Variants in DTNA observed in about 807,000 individuals in gnomAD.
DTNA encodes dystrobrevin alpha.
A neutral mutation model predicts 100.7 loss-of-function variants in DTNA; 43 were observed. The observed-to-expected ratio is 0.43, with a 90% CI of 0.33 to 0.55. The LOEUF is 0.55. Ranked by LOEUF, DTNA falls within the 20% of genes least tolerant of loss-of-function variation. DTNA has a pLI of 0.04. For missense variants in DTNA, 798 were observed against 953.9 expected, an observed-to-expected ratio of 0.84 and a Z score of 2.15; for synonymous variants, 349 against 347.9, an observed-to-expected ratio of 1.00 and a Z score of -0.04.
intron 16 of DTNA, among the ~76,000 whole-genome samples, chr18:34,860,014 G>T (rs576750357): frequency 6.6e-6 from 1 of 151,242 alleles, no homozygotes; most frequent in Admixed American, 6.6e-5. Context: ...CCTGTAGTTG[G>T]GAAGTATTAC....
intron 1 of DTNA, among the ~76,000 whole-genome samples, chr18:34,557,483 C>T (rs2146123450): frequency 6.6e-6 from 1 of 152,050 alleles, no homozygotes; most frequent in East Asian, 1.9e-4. Flanking sequence ...TCTGTTTTTT[C>T]CCCATCTTTG....
intron 1 of DTNA, among the ~76,000 whole-genome samples, chr18:34,497,516 A>T (rs1320547956): frequency 2.6e-5 from 4 of 152,194 alleles, no homozygotes; most frequent in African/African-American, 7.2e-5. Context: ...GAGTAACCTT[A>T]ACCACTGTCA....
At position 34,500,181 on chromosome 18, in the gene DTNA, A is replaced by G. The variant is rs962957622; in HGVS notation, c.-2+6667A>G. On this transcript the variant is annotated intron_variant, in intron 1 of 19. Coordinates refer to the DTNA transcript ENST00000283365. ...AGGATAATTGATATTTAATCCATAC[A>G]TGTGGCATGTTTCTCCATTTATGTA... 2.6e-5 allele frequency among the ~76,000 whole-genome samples: 4 copies of G among 152,232 alleles called. No individual in the cohort carries two copies. In the East Asian group the frequency reaches 7.7e-4, roughly 29 times the overall value.
intron 17 of DTNA, chr18:34,866,844 C>T (rs911177679): frequency 3.5e-5 from 36 of 1,023,420 alleles, no homozygotes; most frequent in African/African-American, 3.4e-5. Flanking sequence ...CAGAGCCTTT[C>T]GGCTCCGGGA....
chr18:34,871,809 T>G (rs2096768450), intron 17 of DTNA, among the ~76,000 whole-genome samples: 1 of 152,166 alleles, frequency 6.6e-6, no homozygotes, highest in South Asian at 2.1e-4. Context: ...TGTCCTGACA[T>G]GGAGAGGTGG....
At chr18:34,726,907 A>C (rs1207301199) in intron 1 of DTNA, among the ~76,000 whole-genome samples, 1 of 152,214 alleles carries the variant, frequency 6.6e-6, no homozygotes, top group East Asian at 1.9e-4. Flanking sequence ...GCACTGCCCT[A>C]GGAAAGTATC....
chr18:34,752,155 C>T (rs1291057983), intron 1 of DTNA, among the ~76,000 whole-genome samples: 1 of 152,196 alleles, frequency 6.6e-6, no homozygotes, highest in Non-Finnish European at 1.5e-5. Context: ...TTGGGCTCAT[C>T]GGTGAGCCAT....
At chr18:34,757,237 C>A (rs1291279109) in intron 2 of DTNA, 3 of 152,310 alleles carry the variant, frequency 2.0e-5, no homozygotes, top group African/African-American at 7.2e-5. Flanking sequence ...TGTGTCTTCA[C>A]CTGGAATTGT....
chr18:34,628,481 T>A (rs2057643013), intron 1 of DTNA, among the ~76,000 whole-genome samples: 1 of 152,222 alleles, frequency 6.6e-6, no homozygotes, highest in Non-Finnish European at 1.5e-5. Flanking sequence ...GAAAGACTCA[T>A]ATCCCTTGGC....
rs182294931 is a variant in DTNA at position 34,526,025 on chromosome 18, C to T, written c.-2+32511C>T. 9.2e-5 allele frequency among the ~76,000 whole-genome samples: 14 copies of T among 152,220 alleles called. 1 individual carries two copies. The East Asian group carries it at 2.1e-3, about 23-fold the overall frequency. On this transcript the variant is annotated intron_variant, in intron 1 of 19. Transcript: ENST00000283365. Reference sequence around the variant, plus strand: ...TACATCCCTGAACTCACCACTCTTTCGGAACACGAAGCTATGGTCTTTAGC... The same window carrying T: ...TACATCCCTGAACTCACCACTCTTTTGGAACACGAAGCTATGGTCTTTAGC...
At chr18:34,625,475 G>C (rs998855018) in intron 1 of DTNA, among the ~76,000 whole-genome samples, 1 of 152,096 alleles carries the variant, frequency 6.6e-6, no homozygotes, top group African/African-American at 2.4e-5. Context: ...GCCCGGCCAG[G>C]GACACCTTTT....
At chr18:34,841,673 T>C (rs2096270990) in intron 13 of DTNA, among the ~76,000 whole-genome samples, 1 of 152,210 alleles carries the variant, frequency 6.6e-6, no homozygotes, top group African/African-American at 2.4e-5. Flanking sequence ...ATATGAGCTT[T>C]GAGACATTAA....
At chr18:34,794,373 C>T (rs1442295871) in intron 4 of DTNA, 123 bp downstream of exon 4, 4 of 1,084,044 alleles carry the variant, frequency 3.7e-6, no homozygotes, top group Admixed American at 4.2e-5. Context: ...TTTTTTCTTA[C>T]AGTGGATGCT....
intron 1 of DTNA, among the ~76,000 whole-genome samples, chr18:34,659,588 T>C (rs1021552065): frequency 6.6e-6 from 1 of 151,790 alleles, no homozygotes; most frequent in Non-Finnish European, 1.5e-5. Flanking sequence ...CCATATATAT[T>C]TCATTCTAGA....
At chr18:34,865,235 T>G (rs920836014) in intron 17 of DTNA, among the ~76,000 whole-genome samples, 4 of 152,200 alleles carry the variant, frequency 2.6e-5, no homozygotes, top group African/African-American at 9.6e-5. Context: ...TGTTTTTATT[T>G]TGTCTGTCCT....
intron 1 of DTNA, among the ~76,000 whole-genome samples, chr18:34,541,798 A>G (rs2044270973): frequency 6.6e-6 from 1 of 152,086 alleles, no homozygotes; most frequent in Non-Finnish European, 1.5e-5. Context: ...ATCCAGAGAA[A>G]TGTGAAGAGA....
intron 1 of DTNA, among the ~76,000 whole-genome samples, chr18:34,602,608 T>TGGCC (rs752610729): frequency 3.9e-5 from 6 of 151,974 alleles, no homozygotes; most frequent in Non-Finnish European, 7.4e-5. Flanking sequence ...AGTGGTGCGG[T>TGGCC]GGCTCATGTC....
intron 3 of DTNA, among the ~76,000 whole-genome samples, chr18:34,790,567 A>ATATATATATATATATT (rs2094687460): frequency 5.0e-5 from 2 of 39,660 alleles, no homozygotes; most frequent in African/African-American, 1.8e-4. Flanking sequence ...ATATATATAT[A>ATATATATATATATATT]TTTTTTTTTT....
chr18:34,523,239 C>A (rs897217751), intron 1 of DTNA, among the ~76,000 whole-genome samples: 4 of 152,074 alleles, frequency 2.6e-5, no homozygotes, highest in Admixed American at 2.6e-4. Context: ...TAGAATTTTT[C>A]CAAAACTATT....
Sources: gnomAD v4.1 joint callset for allele counts (sites outside exome capture counted in the v4.1 genomes callset) on GRCh38, gnomAD v4.1.1 for gene constraint, MANE v1.5 for transcripts, NCBI Gene and HGNC (gene_info 2026-07-23, HGNC 2026-07-21) for gene names.